Variants in HECW1 observed in about 807,000 individuals in gnomAD.
HECW1 encodes the protein HECT, C2 and WW domain containing E3 ubiquitin protein ligase 1.
HECW1 carries 61 observed loss-of-function variants against 182.3 expected under a neutral mutation model. That is an observed-to-expected ratio of 0.33 (90% confidence interval 0.27 to 0.41). HECW1 has a LOEUF of 0.41. Ranked by LOEUF, HECW1 falls within the 10% of genes least tolerant of loss-of-function variation. The pLI is 1.00. For missense variants in HECW1, 1,739 were observed against 2,108.9 expected, an observed-to-expected ratio of 0.82 and a Z score of 3.44; for synonymous variants, 859 against 832.6, an observed-to-expected ratio of 1.03 and a Z score of -0.55.
At chr7:43,231,943 A>G (rs1797915285) in intron 2 of HECW1, among the ~76,000 whole-genome samples, 1 of 148,950 alleles carries the variant, frequency 6.7e-6, no homozygotes, top group African/African-American at 2.5e-5. Flanking sequence ...AATGGCGTGA[A>G]CCCGGGAGGC....
At chr7:43,547,217 T>C (rs2081598460) in intron 26 of HECW1, among the ~76,000 whole-genome samples, 1 of 152,176 alleles carries the variant, frequency 6.6e-6, no homozygotes, top group Non-Finnish European at 1.5e-5. Context: ...TCTACAGGTA[T>C]GTATGCCATT....
At chr7:43,399,916 A>T (rs1468679131) in intron 7 of HECW1, among the ~76,000 whole-genome samples, 1 of 152,204 alleles carries the variant, frequency 6.6e-6, no homozygotes, top group Non-Finnish European at 1.5e-5. Flanking sequence ...TAGGACAAAA[A>T]GCAAATACTG....
intron 3 of HECW1, 89 bp from the exon 4 acceptor site, chr7:43,311,674 C>T (rs751869784): frequency 1.0e-4 from 124 of 1,204,010 alleles, no homozygotes; most frequent in Non-Finnish European, 7.0e-5. Context: ...CAGCGCGTGT[C>T]TCCCAGCACA....
At chr7:43,428,684 C>G (rs181989944) in intron 8 of HECW1, among the ~76,000 whole-genome samples, 47 of 152,314 alleles carry the variant, frequency 3.1e-4, no homozygotes, top group African/African-American at 1.0e-3. Context: ...AGTTTATCAA[C>G]AAAGCACGTG....
At chr7:43,155,923 A>T (rs1037136636) in intron 2 of HECW1, among the ~76,000 whole-genome samples, 1 of 152,198 alleles carries the variant, frequency 6.6e-6, no homozygotes, top group Admixed American at 6.5e-5. Flanking sequence ...TCATGGACAG[A>T]ACCACTTAGA....
intron 2 of HECW1, among the ~76,000 whole-genome samples, chr7:43,235,165 G>T (rs1798213523): frequency 6.6e-6 from 1 of 152,186 alleles, no homozygotes; most frequent in Non-Finnish European, 1.5e-5. Context: ...GGAGCCCGGA[G>T]CTCTGTCCCT....
chr7:43,233,761 GTCA>G (rs1331383221), intron 2 of HECW1, among the ~76,000 whole-genome samples: 1 of 152,202 alleles, frequency 6.6e-6, no homozygotes, highest in African/African-American at 2.4e-5. Context: ...GCCTGCACCA[GTCA>G]GTCTCAAAGC....
chr7:43,265,581 C>CT (rs1801687625), intron 3 of HECW1, among the ~76,000 whole-genome samples: 1 of 152,130 alleles, frequency 6.6e-6, no homozygotes, highest in African/African-American at 2.4e-5. Flanking sequence ...CTTTTGTTGT[C>CT]TTTTTTCTGA....
chr7:43,350,179 T>G (rs1170408337), intron 5 of HECW1, among the ~76,000 whole-genome samples: 1 of 152,204 alleles, frequency 6.6e-6, no homozygotes, highest in African/African-American at 2.4e-5. Flanking sequence ...TTGAGGAGGC[T>G]GAAGATAGAG....
chr7:43,505,012 C>G (rs2079520782), intron 21 of HECW1, among the ~76,000 whole-genome samples: 1 of 152,184 alleles, frequency 6.6e-6, no homozygotes, highest in Non-Finnish European at 1.5e-5. Flanking sequence ...CCCAACATCC[C>G]CTCTTCAGTT....
chr7:43,156,265 G>T (rs796740266), intron 2 of HECW1, among the ~76,000 whole-genome samples: 4 of 152,076 alleles, frequency 2.6e-5, no homozygotes, highest in Non-Finnish European at 2.9e-5. Context: ...CTTCATACTC[G>T]CAGAGTCTCT....
intron 2 of HECW1, among the ~76,000 whole-genome samples, chr7:43,215,831 T>G (rs1440770234): frequency 6.6e-6 from 1 of 152,154 alleles, no homozygotes; most frequent in East Asian, 1.9e-4. Flanking sequence ...GCTGAAGGAG[T>G]TAGGTCAACA....
intron 3 of HECW1, among the ~76,000 whole-genome samples, chr7:43,293,377 ACCT>A (rs895663355): frequency 3.3e-5 from 5 of 152,308 alleles, no homozygotes; most frequent in African/African-American, 9.6e-5. Flanking sequence ...CTTCATGCTC[ACCT>A]CCTGTAACTG....
Position 43,150,297 on chromosome 7 carries a change from T to C in HECW1, c.-32+35906T>C, listed in dbSNP as rs546871823. ...TTTAGTTACGCTGTCTATAACACTG[T>C]GTATTCCTCTGACCAATTGATTTCA... On this transcript the variant is annotated intron_variant, in intron 2 of 29. Transcript: ENST00000395891. Among the ~76,000 whole-genome samples, 9 of 152,374 alleles carry C rather than the reference T, an allele frequency of 5.9e-5. 1 individual carries two copies. The South Asian group carries it at 1.9e-3, about 32-fold the overall frequency.
intron 29 of HECW1, 124 bp downstream of exon 29, chr7:43,554,914 T>G (rs1380977195): frequency 8.1e-6 from 7 of 862,288 alleles, no homozygotes; most frequent in Non-Finnish European, 1.2e-5. Flanking sequence ...GTATTGTCAT[T>G]GGAGTTATTA....
chr7:43,495,053 C>A (rs2079064605), intron 19 of HECW1, among the ~76,000 whole-genome samples: 1 of 152,062 alleles, frequency 6.6e-6, no homozygotes, highest in Non-Finnish European at 1.5e-5. Flanking sequence ...ATTTCTTTTT[C>A]TTTGAGGGGG....
At chr7:43,485,360 C>A (rs903586066) in intron 17 of HECW1, among the ~76,000 whole-genome samples, 8 of 152,170 alleles carry the variant, frequency 5.3e-5, no homozygotes, top group Admixed American at 3.3e-4. Flanking sequence ...ATGTAACCTG[C>A]ACTTGATCAC....
At chr7:43,151,642 A>G (rs1273750803) in intron 2 of HECW1, among the ~76,000 whole-genome samples, 1 of 152,244 alleles carries the variant, frequency 6.6e-6, no homozygotes, top group Non-Finnish European at 1.5e-5. Context: ...CAAATACCAA[A>G]TAAACATTGC....
intron 19 of HECW1, among the ~76,000 whole-genome samples, chr7:43,499,237 C>T (rs1391929979): frequency 1.3e-5 from 2 of 152,022 alleles, no homozygotes; most frequent in African/African-American, 4.8e-5. Flanking sequence ...GAGCTGTGAT[C>T]AGGTCACTGC....
Sources: gnomAD v4.1 joint callset for allele counts (sites outside exome capture counted in the v4.1 genomes callset) on GRCh38, gnomAD v4.1.1 for gene constraint, MANE v1.5 for transcripts, NCBI Gene and HGNC (gene_info 2026-07-23, HGNC 2026-07-21) for gene names.